The following ATRNL1 variants were observed in gnomAD, a reference collection of about 807,000 sequenced individuals.
ATRNL1 encodes the protein attractin like 1, also known as attractin-like protein 1.
In ATRNL1, 95 loss-of-function variants were observed where a neutral mutation model predicts 182.7. That is an observed-to-expected ratio of 0.52 (90% CI 0.44 to 0.62). ATRNL1 has a LOEUF of 0.62. Among genes scored for constraint, ATRNL1 ranks in the 20% least tolerant of loss-of-function variants. The pLI is 0.00. For missense variants in ATRNL1, 1,471 were observed against 1,679.5 expected, an observed-to-expected ratio of 0.88 and a Z score of 2.17; for synonymous variants, 576 against 568.3, an observed-to-expected ratio of 1.01 and a Z score of -0.19.
chr10:115,856,965 G>T (rs868929085), intron 28 of ATRNL1, among the ~76,000 whole-genome samples: 2 of 151,976 alleles, frequency 1.3e-5, no homozygotes, highest in African/African-American at 4.8e-5. Context: ...ATTTTCTTCT[G>T]TCTCTGCCAC....
chr10:115,736,547 T>G (rs1479077780), intron 27 of ATRNL1, among the ~76,000 whole-genome samples: 3 of 152,254 alleles, frequency 2.0e-5, no homozygotes, highest in Non-Finnish European at 2.9e-5. Flanking sequence ...GTTGATTATT[T>G]CTGCTGGCCC....
chr10:115,236,672 C>T (rs1357336472), intron 9 of ATRNL1, among the ~76,000 whole-genome samples: 2 of 152,204 alleles, frequency 1.3e-5, no homozygotes, highest in African/African-American at 4.8e-5. Context: ...CTCATCTCCC[C>T]TATCCCCAGG....
chr10:115,129,394 C>CA lies in ATRNL1; in HGVS notation c.690dup (p.Val231SerfsTer4). 2 of 1,613,938 alleles carry CA rather than the reference C, an allele frequency of 1.2e-6. No homozygotes were observed. The highest frequency in any genetic ancestry group is 1.7e-6 in the Non-Finnish European group (2 of 1,179,874). The stretch of plus-strand genomic sequence containing the variant: ...TACAACTAGTGTCTCTGTTCCAAGT[C>CA]AAGTATATTGTGAATGTGATAAATA... On this transcript the variant is annotated frameshift_variant, in exon 5 of 29. Transcript: ENST00000355044. LOFTEE classifies it high-confidence loss of function.
chr10:115,552,675 G>T (rs1415214924), intron 26 of ATRNL1, among the ~76,000 whole-genome samples: 1 of 151,190 alleles, frequency 6.6e-6, no homozygotes, highest in African/African-American at 2.4e-5. Context: ...AGGATAGTTA[G>T]TCATGTTATG....
At chr10:115,302,382 A>C (rs1323543354) in intron 17 of ATRNL1, among the ~76,000 whole-genome samples, 1 of 152,162 alleles carries the variant, frequency 6.6e-6, no homozygotes, top group Non-Finnish European at 1.5e-5. Context: ...GTATCTTTTA[A>C]TCTAGTGCAA....
chr10:115,176,727 G>T (rs1394501972), intron 8 of ATRNL1, among the ~76,000 whole-genome samples: 1 of 152,070 alleles, frequency 6.6e-6, no homozygotes, highest in Non-Finnish European at 1.5e-5. Flanking sequence ...CATGTTATAC[G>T]TGAGATAGCC....
chr10:115,799,333 AT>A (rs1949737075), intron 27 of ATRNL1, among the ~76,000 whole-genome samples: 1 of 152,202 alleles, frequency 6.6e-6, no homozygotes, highest in Admixed American at 6.5e-5. Flanking sequence ...ACATGGAATG[AT>A]TGGAAAGCAG....
chr10:115,872,649 A>G (rs558213212), intron 28 of ATRNL1, among the ~76,000 whole-genome samples: 1 of 152,334 alleles, frequency 6.6e-6, no homozygotes, highest in South Asian at 2.1e-4. Flanking sequence ...GCTAAAAGTC[A>G]TGTTTTCTGA....
At chr10:115,218,500 G>A (rs546126343) in intron 9 of ATRNL1, among the ~76,000 whole-genome samples, 1 of 152,280 alleles carries the variant, frequency 6.6e-6, no homozygotes, top group Non-Finnish European at 1.5e-5. Flanking sequence ...CAAATGGGTC[G>A]CGTATCCATT....
chr10:115,691,369 T>C (rs782509203), intron 26 of ATRNL1, among the ~76,000 whole-genome samples: 3 of 152,184 alleles, frequency 2.0e-5, no homozygotes, highest in Non-Finnish European at 2.9e-5. Flanking sequence ...CCCTGATGGG[T>C]ACTAAAGTTG....
At chr10:115,857,095 A>G (rs1565440354) in intron 28 of ATRNL1, among the ~76,000 whole-genome samples, 1 of 152,202 alleles carries the variant, frequency 6.6e-6, no homozygotes, top group Non-Finnish European at 1.5e-5. Flanking sequence ...AATGAATAGT[A>G]AATATATTTT....
At chr10:115,265,915 G>A (rs1340307415) in intron 11 of ATRNL1, among the ~76,000 whole-genome samples, 1 of 151,576 alleles carries the variant, frequency 6.6e-6, no homozygotes, top group East Asian at 1.9e-4. Context: ...CTTTTTATAA[G>A]CCCATTTTAT....
At position 115,697,360 on chromosome 10, in the gene ATRNL1, G is replaced by C. The variant is rs114987404; in HGVS notation, c.3796-29888G>C. On this transcript the variant is annotated intron_variant, in intron 26 of 28. Coordinates refer to ENST00000355044, the MANE Select transcript of ATRNL1 (RefSeq NM_207303.4). ...GCATGTTTTGTATTTTTTTGAGATA[G>C]GATCTTGCTCTGTTGCTCAGGCTGG... is the stretch of plus-strand genomic sequence containing the variant. 5.7e-3 allele frequency among the ~76,000 whole-genome samples: 864 copies of C among 152,156 alleles called. 8 individuals are homozygous for C. Among genetic ancestry groups the C allele is most frequent in the African/African-American group, 0.02 (831 of 41,516 alleles).
At chr10:115,228,838 T>C (rs1849810624) in intron 9 of ATRNL1, among the ~76,000 whole-genome samples, 2 of 150,662 alleles carry the variant, frequency 1.3e-5, no homozygotes, top group South Asian at 4.2e-4. Flanking sequence ...CAATCTCGGC[T>C]CACTGCAACC....
At chr10:115,145,639 G>A (rs1209046869) in intron 5 of ATRNL1, among the ~76,000 whole-genome samples, 4 of 152,132 alleles carry the variant, frequency 2.6e-5, no homozygotes, top group African/African-American at 9.7e-5. Context: ...TTAAAATGGT[G>A]TTAGAAGAGA....
At chr10:115,507,418 A>C (rs565422309) in intron 24 of ATRNL1, among the ~76,000 whole-genome samples, 2 of 152,074 alleles carry the variant, frequency 1.3e-5, no homozygotes, top group South Asian at 2.1e-4. Flanking sequence ...TATAATAATC[A>C]AATGCGTGAT....
chr10:115,702,014 T>G (rs10885775), intron 26 of ATRNL1, among the ~76,000 whole-genome samples: 57,011 of 151,564 alleles, frequency 0.38, 11,569 homozygotes, highest in East Asian at 0.58. Flanking sequence ...TTATGCAAAA[T>G]TCCTCAACAA....
intron 13 of ATRNL1, among the ~76,000 whole-genome samples, chr10:115,270,200 CTATATA>C (rs1177534370): frequency 1.4e-5 from 2 of 142,624 alleles, no homozygotes; most frequent in Middle Eastern, 4.0e-3. Context: ...CAGAATCTGT[CTATATA>C]TATATATACA....
intron 10 of ATRNL1, among the ~76,000 whole-genome samples, chr10:115,245,549 G>GGT (rs1479350230): frequency 6.6e-6 from 1 of 150,662 alleles, no homozygotes; most frequent in Admixed American, 6.6e-5. Flanking sequence ...ATGAAGCCTG[G>GGT]GATACCTGAT....
Sources: gnomAD v4.1 joint callset for allele counts (sites outside exome capture counted in the v4.1 genomes callset) on GRCh38, gnomAD v4.1.1 for gene constraint, MANE v1.5 for transcripts, NCBI Gene and HGNC (gene_info 2026-07-23, HGNC 2026-07-21) for gene names.